The following SRPK2 variants were observed in gnomAD, a reference collection of about 807,000 sequenced individuals.
The protein encoded by SRPK2 is SRSF protein kinase 2.
SRPK2 carries 21 observed loss-of-function variants against 90.8 expected under a neutral mutation model. That is an observed-to-expected ratio of 0.23 (90% CI 0.16 to 0.33). The LOEUF (loss-of-function observed/expected upper bound fraction) is 0.33. Among genes scored for constraint, SRPK2 ranks in the 10% least tolerant of loss-of-function variants. SRPK2 has a pLI of 1.00. For missense variants in SRPK2, 620 were observed against 869.0 expected, an observed-to-expected ratio of 0.71 and a Z score of 3.60; for synonymous variants, 288 against 311.1, an observed-to-expected ratio of 0.93 and a Z score of 0.78.
intron 2 of SRPK2, among the ~76,000 whole-genome samples, chr7:105,290,675 C>A (rs1808852255): frequency 6.6e-6 from 1 of 152,040 alleles, no homozygotes; most frequent in Non-Finnish European, 1.5e-5. Context: ...ACAAAAAATA[C>A]AAAATGTAGC....
chr7:105,135,291 T>A (rs1802627563), intron 11 of SRPK2, among the ~76,000 whole-genome samples: 1 of 152,006 alleles, frequency 6.6e-6, no homozygotes, highest in Non-Finnish European at 1.5e-5. Context: ...GACCACCCCT[T>A]CCCCACCGAA....
chr7:105,389,033 C>T, upstream of SRPK2: 1 of 968,534 alleles, frequency 1.0e-6, no homozygotes, highest in Non-Finnish European at 1.2e-6. Flanking sequence ...GACCCCAGCG[C>T]CGCGCGCCCA....
intron 2 of SRPK2, among the ~76,000 whole-genome samples, chr7:105,376,231 T>TC: frequency 6.6e-6 from 1 of 151,790 alleles, no homozygotes; most frequent in South Asian, 2.1e-4. Context: ...TCTCCTGACC[T>TC]TGTGATCCGC....
At chr7:105,218,276 G>A (rs945986085) in intron 2 of SRPK2, among the ~76,000 whole-genome samples, 6 of 152,164 alleles carry the variant, frequency 3.9e-5, no homozygotes, top group Admixed American at 2.0e-4. Flanking sequence ...TATTTCTTTC[G>A]GAAGCTATAA....
At chr7:105,142,626 G>A in intron 10 of SRPK2, 136 bp from the exon 11 acceptor site, 1 of 1,212,116 alleles carries the variant, frequency 8.3e-7, no homozygotes. Context: ...TGGCTTTTGG[G>A]GTAAAACCTT....
chr7:105,266,936 A>G (rs1805172727), intron 2 of SRPK2, among the ~76,000 whole-genome samples: 1 of 152,188 alleles, frequency 6.6e-6, no homozygotes, highest in Non-Finnish European at 1.5e-5. Context: ...CATTAACGAA[A>G]CAACTTCTAT....
At chr7:105,324,808 G>A (rs1813377184) in intron 2 of SRPK2, among the ~76,000 whole-genome samples, 1 of 152,134 alleles carries the variant, frequency 6.6e-6, no homozygotes, top group Non-Finnish European at 1.5e-5. Context: ...AATTGCTTGA[G>A]CCACGGAGGC....
At chr7:105,218,476 G>A (rs1206096379) in intron 2 of SRPK2, among the ~76,000 whole-genome samples, 1 of 152,174 alleles carries the variant, frequency 6.6e-6, no homozygotes, top group African/African-American at 2.4e-5. Flanking sequence ...TCTCTAACGG[G>A]TGTCAACTGG....
intron 2 of SRPK2, among the ~76,000 whole-genome samples, chr7:105,326,093 A>G (rs1238369910): frequency 3.3e-5 from 5 of 152,214 alleles, no homozygotes; most frequent in Non-Finnish European, 5.9e-5. Flanking sequence ...AAAAAGTTTA[A>G]AAAGTCATCC....
At chr7:105,288,622 A>ATATATAAAAACATAT (rs1441220000) in intron 2 of SRPK2, among the ~76,000 whole-genome samples, 91 of 152,232 alleles carry the variant, frequency 6.0e-4, no homozygotes, top group South Asian at 2.7e-3. Flanking sequence ...AACAAAAAAA[A>ATATATAAAAACATAT]TATATAAAAA....
chr7:105,258,584 AAG>A (rs1044120527), intron 2 of SRPK2, among the ~76,000 whole-genome samples: 128 of 152,298 alleles, frequency 8.4e-4, no homozygotes, highest in African/African-American at 3.0e-3. Context: ...ACAACAAAAA[AAG>A]AGTATTTTAG....
intron 3 of SRPK2, among the ~76,000 whole-genome samples, chr7:105,191,639 G>A (rs1331175257): frequency 6.6e-6 from 1 of 152,110 alleles, no homozygotes; most frequent in African/African-American, 2.4e-5. Flanking sequence ...CTATTCTTCT[G>A]ATTATTCCAG....
upstream of SRPK2, among the ~76,000 whole-genome samples, chr7:105,389,871 A>G (rs1176530450): frequency 6.6e-6 from 1 of 152,220 alleles, no homozygotes; most frequent in Non-Finnish European, 1.5e-5. Context: ...CTCATTGGTC[A>G]CACAACTGTA....
chr7:105,380,982 G>C (rs1440088058), intron 2 of SRPK2, among the ~76,000 whole-genome samples: 1 of 149,698 alleles, frequency 6.7e-6, no homozygotes. Flanking sequence ...AGCTGGGCCA[G>C]GGGCAGTAGC....
chr7:105,374,056 T>C (rs975745226), intron 2 of SRPK2, among the ~76,000 whole-genome samples: 6 of 152,156 alleles, frequency 3.9e-5, no homozygotes, highest in South Asian at 4.1e-4. Flanking sequence ...GCCTCCCAAG[T>C]AGCTGGGATT....
chr7:105,338,631 G>C (rs1815400073), intron 2 of SRPK2, among the ~76,000 whole-genome samples: 1 of 152,160 alleles, frequency 6.6e-6, no homozygotes, highest in African/African-American at 2.4e-5. Context: ...CTAGTATTCT[G>C]TTGTAATTAA....
intron 3 of SRPK2, among the ~76,000 whole-genome samples, chr7:105,172,048 C>A (rs1014720106): frequency 1.3e-5 from 2 of 152,114 alleles, no homozygotes; most frequent in Admixed American, 6.6e-5. Context: ...CTTGCACCAC[C>A]ACACCTGGCT....
intron 2 of SRPK2, among the ~76,000 whole-genome samples, chr7:105,308,008 G>A (rs920101434): frequency 1.3e-5 from 2 of 152,072 alleles, no homozygotes; most frequent in African/African-American, 2.4e-5. Flanking sequence ...AAGTATTTTT[G>A]CAAAGTGCTT....
At chr7:105,119,892 T>C (rs1800082687) in intron 15 of SRPK2, among the ~76,000 whole-genome samples, 1 of 152,170 alleles carries the variant, frequency 6.6e-6, no homozygotes. Context: ...AAAACCAAGG[T>C]AGATTCACTT....
Sources: allele counts gnomAD v4.1 joint callset (sites outside exome capture counted in the v4.1 genomes callset), GRCh38; gene constraint gnomAD v4.1.1; transcripts MANE v1.5; gene names NCBI Gene and HGNC (gene_info 2026-07-23, HGNC 2026-07-21).